The following GRM4 variants were observed in gnomAD, a reference collection of about 807,000 sequenced individuals.
The protein encoded by GRM4 is metabotropic glutamate receptor 4.
A neutral mutation model predicts 81.7 loss-of-function variants in GRM4; 28 were observed. The ratio of observed to expected loss-of-function variants is 0.34; its 90% CI spans 0.25 to 0.47. The LOEUF is 0.47. GRM4 is among the 20% of genes least tolerant of loss of function. GRM4 has a pLI of 1.00. For missense variants in GRM4, 948 were observed against 1,290.0 expected, an observed-to-expected ratio of 0.73 and a Z score of 4.06; for synonymous variants, 488 against 528.8, an observed-to-expected ratio of 0.92 and a Z score of 1.06.
At chr6:34,026,014 C>T (rs9469687) in intron 10 of GRM4, among the ~76,000 whole-genome samples, 13,011 of 152,216 alleles carry the variant, frequency 0.085, 1,183 homozygotes, top group African/African-American at 0.23. Context: ...CCGGTGCTGA[C>T]AATAGGCCCT....
rs1199117885 is a variant in GRM4 at position 34,061,755 on chromosome 6, C to T, written c.872+138G>A. 5.9e-6 allele frequency: 5 copies of T among 850,564 alleles called. No homozygotes were observed. The African/African-American group carries it at 6.7e-5, about 11-fold the overall frequency. 52.7% of individuals were successfully genotyped at this position (850,564 alleles called of 1,614,324 possible). On this transcript the variant is annotated intron_variant, in intron 4 of 10. Transcript: ENST00000538487. ...CCTGTGGGTCTCCCTGCCCACATAC[C>T]CACTCACCAGCACCCACCTCTCTGG...
chr6:34,061,934 G>A lies in GRM4; in HGVS notation c.831C>T (p.Asn277=), dbSNP rs760844727. ...KIIRRLLETS[N]ARAVIIFANE... ...TGGCAAAGATGATGACTGCCCTGGCGTTCGAAGTCTCCAGGAGGCGGCGGA... is the reference window on the plus strand; with the variant it reads ...TGGCAAAGATGATGACTGCCCTGGCATTCGAAGTCTCCAGGAGGCGGCGGA... Residue 277 remains asparagine, a synonymous_variant, in exon 4 of 11, where the codon AAC becomes AAT. Coordinates refer to ENST00000538487, the MANE Select transcript of GRM4 (RefSeq NM_000841.4). 49 of 1,613,598 alleles carry A rather than the reference G, an allele frequency of 3.0e-5. 1 individual carries two copies. The highest frequency in any genetic ancestry group is 3.3e-4 in the Middle Eastern group (2 of 6,078).
chr6:34,073,229 AAATACATGC>A (rs1767099331), intron 3 of GRM4, among the ~76,000 whole-genome samples: 1 of 121,010 alleles, frequency 8.3e-6, no homozygotes, highest in Admixed American at 8.4e-5. Flanking sequence ...ACACATCACC[AAATACATGC>A]CACACACACA....
rs553422137 is a variant in GRM4, at chr6:34,040,109, T to C, written c.1506+69A>G. On this transcript the variant is annotated intron_variant, in intron 8 of 10. Coordinates refer to ENST00000538487, the MANE Select transcript of GRM4 (RefSeq NM_000841.4). The stretch of plus-strand genomic sequence containing the variant: ...AGGGCTAATCAGCAGCAGCCTCCCC[T>C]TGGGCCCCCCTCCCAGGGGCTGGAA... The C allele has an allele frequency of 1.6e-5, 24 of 1,508,930 alleles. No individual in the cohort carries two copies. In the African/African-American group the frequency reaches 2.6e-4, roughly 16 times the overall value. The allele number at this position is 1,508,930 out of a possible 1,614,324, so 93.5% of individuals were successfully genotyped here. A position where few individuals can be genotyped will look rare whatever the true frequency, so the allele number is the denominator to read the frequency against.
intron 3 of GRM4, among the ~76,000 whole-genome samples, chr6:34,077,978 A>G (rs1164916041): frequency 6.6e-6 from 1 of 151,968 alleles, no homozygotes; most frequent in East Asian, 1.9e-4. Flanking sequence ...GGATCCACAC[A>G]CTGCCAGGCA....
At chr6:34,155,368 A>G (rs2127522642) in exon 1 of GRM4, 1 of 1,501,170 alleles carries the variant, frequency 6.7e-7, no homozygotes, top group Non-Finnish European at 8.9e-7. Context: ...GGAAGCTGCA[A>G]CTCCAGGCTC....
Position 34,028,160 on chromosome 6 carries a change from T to A in GRM4, c.2649A>T (p.Gly883=). 8 of 1,613,934 alleles carry A rather than the reference T, an allele frequency of 5.0e-6. No homozygotes were observed. The highest frequency in any genetic ancestry group is 6.8e-6 in the Non-Finnish European group (8 of 1,179,952). The change falls in exon 10 of 11, where the codon GGA becomes GGT. Residue 883 remains glycine, a synonymous_variant. Transcript: ENST00000538487. ...TCTCGCAGAGCTCAGACTTGGCCTCTCCGTTGGGCCGGAAGTTGCCCTTCT... is the reference window on the plus strand; with the variant it reads ...TCTCGCAGAGCTCAGACTTGGCCTCACCGTTGGGCCGGAAGTTGCCCTTCT... ...FTQKGNFRPN[G]EAKSELCENL...
chr6:34,052,611 G>A (rs964691513), intron 6 of GRM4, among the ~76,000 whole-genome samples: 2 of 152,230 alleles, frequency 1.3e-5, no homozygotes, highest in African/African-American at 2.4e-5. Flanking sequence ...GTGAGCACCC[G>A]AGAGAACAGA....
At chr6:34,073,245 C>T (rs1767101805) in intron 3 of GRM4, among the ~76,000 whole-genome samples, 1 of 228 alleles carries the variant, frequency 4.4e-3, no homozygotes, top group Admixed American at 0.1. Flanking sequence ...ATGCCACACA[C>T]ACACATCACC....
chr6:34,138,950 G>A (rs982938299), intron 1 of GRM4, among the ~76,000 whole-genome samples: 1 of 152,236 alleles, frequency 6.6e-6, no homozygotes, highest in African/African-American at 2.4e-5. Context: ...CATAGTTTCA[G>A]GCAGGGAAAC....
chr6:34,071,458 C>T (rs1278772821), intron 3 of GRM4, among the ~76,000 whole-genome samples: 4 of 129,954 alleles, frequency 3.1e-5, no homozygotes, highest in Middle Eastern at 5.1e-3. Context: ...CACACATCAC[C>T]ACAGAGATAC....
intron 2 of GRM4, among the ~76,000 whole-genome samples, chr6:34,098,158 A>G (rs1298390916): frequency 5.9e-5 from 9 of 152,218 alleles, no homozygotes; most frequent in African/African-American, 2.2e-4. Flanking sequence ...ATATGCAAAA[A>G]GTGCTTAGAA....
intron 6 of GRM4, among the ~76,000 whole-genome samples, chr6:34,044,220 A>T (rs1562020575): frequency 7.2e-6 from 1 of 138,336 alleles, no homozygotes; most frequent in Non-Finnish European, 1.5e-5. Context: ...ATACATACAC[A>T]TATATACAGA....
intron 2 of GRM4, among the ~76,000 whole-genome samples, chr6:34,131,944 C>T (rs1398622480): frequency 2.0e-5 from 3 of 151,606 alleles, no homozygotes; most frequent in Non-Finnish European, 4.4e-5. Flanking sequence ...CCCCTCCCTA[C>T]ACACACAAAC....
intron 8 of GRM4, among the ~76,000 whole-genome samples, chr6:34,038,525 C>T (rs942886242): frequency 8.5e-5 from 13 of 152,160 alleles, no homozygotes; most frequent in South Asian, 4.1e-4. Context: ...ACCAGTGATG[C>T]GACGCCGCCA....
At chr6:34,099,182 T>C (rs909753314) in intron 2 of GRM4, among the ~76,000 whole-genome samples, 5 of 152,194 alleles carry the variant, frequency 3.3e-5, no homozygotes, top group Admixed American at 3.3e-4. Flanking sequence ...CCAGGCTGTC[T>C]GCGCACAGAG....
intron 10 of GRM4, among the ~76,000 whole-genome samples, chr6:34,026,163 G>T (rs1168656009): frequency 6.6e-6 from 1 of 152,192 alleles, no homozygotes; most frequent in Non-Finnish European, 1.5e-5. Context: ...TATTTATTCT[G>T]TTGTTTGTTT....
chr6:34,091,800 G>A (rs367655517), intron 3 of GRM4, 83 bp downstream of exon 3: 317 of 1,011,792 alleles, frequency 3.1e-4, no homozygotes, highest in South Asian at 2.3e-3. Context: ...ATCAGGCCCC[G>A]GCTGGGAGCT....
intron 5 of GRM4, 26 bp downstream of exon 5, chr6:34,058,948 G>T (rs761824313): frequency 8.1e-5 from 130 of 1,599,880 alleles, no homozygotes; most frequent in Non-Finnish European, 1.1e-4. Flanking sequence ...GGATGGTGCC[G>T]ACCACCTGCA....
Sources: allele counts gnomAD v4.1 joint callset (sites outside exome capture counted in the v4.1 genomes callset), GRCh38; gene constraint gnomAD v4.1.1; transcripts MANE v1.5; gene names NCBI Gene and HGNC (gene_info 2026-07-23, HGNC 2026-07-21).